The following PRKCA variants were observed in gnomAD, a reference collection of about 807,000 sequenced individuals.
PRKCA encodes the protein protein kinase C alpha.
In PRKCA, 27 loss-of-function variants were observed where a neutral mutation model predicts 87.0. The observed-to-expected ratio is 0.31, with a 90% CI of 0.23 to 0.43. The LOEUF (loss-of-function observed/expected upper bound fraction) is 0.43, where lower values mean the gene tolerates loss of function less well. Ranked by LOEUF, PRKCA falls within the 20% of genes least tolerant of loss-of-function variation. The pLI is 1.00. For synonymous variants in PRKCA, 329 were observed against 311.1 expected, an observed-to-expected ratio of 1.06 and a Z score of -0.61; for missense variants, 518 against 852.3, an observed-to-expected ratio of 0.61 and a Z score of 4.88.
At chr17:66,525,184 T>A (rs1283844136) in intron 3 of PRKCA, among the ~76,000 whole-genome samples, 1 of 152,120 alleles carries the variant, frequency 6.6e-6, no homozygotes, top group Admixed American at 6.5e-5. Context: ...TCCTGGAGGA[T>A]GAGAGACCAC....
At chr17:66,438,468 T>C (rs1165378287) in intron 2 of PRKCA, among the ~76,000 whole-genome samples, 1 of 152,134 alleles carries the variant, frequency 6.6e-6, no homozygotes, top group East Asian at 1.9e-4. Context: ...GCTCGAATAA[T>C]GGAGAGCTTT....
chr17:66,773,885 G>A, intron 13 of PRKCA, 102 bp from the exon 14 acceptor site: 2 of 1,556,224 alleles, frequency 1.3e-6, no homozygotes, highest in Admixed American at 1.7e-5. Context: ...CACCTCATCT[G>A]CATGAACTGA....
At chr17:66,353,770 G>A (rs1907892200) in intron 2 of PRKCA, among the ~76,000 whole-genome samples, 1 of 152,130 alleles carries the variant, frequency 6.6e-6, no homozygotes, top group South Asian at 2.1e-4. Flanking sequence ...AAATAATTTG[G>A]AAATGAAGGA....
intron 13 of PRKCA, among the ~76,000 whole-genome samples, chr17:66,755,799 G>A (rs1026338258): frequency 2.0e-5 from 3 of 152,116 alleles, no homozygotes; most frequent in East Asian, 1.9e-4. Context: ...AGCCATTGGC[G>A]CCTCCCACGT....
intron 2 of PRKCA, among the ~76,000 whole-genome samples, chr17:66,316,317 A>G (rs1453158469): frequency 6.6e-6 from 1 of 152,024 alleles, no homozygotes. Context: ...TTTTGTTTTC[A>G]TGTCATCATT....
Position 66,526,101 on chromosome 17 carries a change from GTT to G in PRKCA, c.288+29821_288+29822del, listed in dbSNP as rs560776757. ...ACTGTATATTGCTCTACAGAAATCTGTTTTGATCAGTGGATAAAAGCAGCTAC... is the reference window on the plus strand; with the variant it reads ...ACTGTATATTGCTCTACAGAAATCTGTTGATCAGTGGATAAAAGCAGCTAC... On this transcript the variant is annotated intron_variant, in intron 3 of 16. Coordinates refer to ENST00000413366, the MANE Select transcript of PRKCA (RefSeq NM_002737.3). Among the ~76,000 whole-genome samples, 288 of 152,274 alleles carry G rather than the reference GTT, an allele frequency of 1.9e-3. 3 individuals carry two copies. The highest frequency in any genetic ancestry group is 6.4e-3 in the African/African-American group (266 of 41,552).
intron 2 of PRKCA, among the ~76,000 whole-genome samples, chr17:66,382,434 G>A (rs925394645): frequency 1.3e-5 from 2 of 152,056 alleles, no homozygotes; most frequent in East Asian, 1.9e-4. Context: ...CCGAGTAGCC[G>A]GGACTACAGG....
At chr17:66,448,176 C>A (rs1253508067) in intron 2 of PRKCA, among the ~76,000 whole-genome samples, 5 of 152,064 alleles carry the variant, frequency 3.3e-5, no homozygotes, top group Non-Finnish European at 2.9e-5. Context: ...AAGTTGATAT[C>A]GTGCTGTTAT....
intron 13 of PRKCA, among the ~76,000 whole-genome samples, chr17:66,749,048 T>G (rs1310939795): frequency 7.1e-6 from 1 of 141,124 alleles, no homozygotes; most frequent in Admixed American, 6.9e-5. Context: ...ACCCCCTCCC[T>G]GGCCAGTCTG....
intron 3 of PRKCA, among the ~76,000 whole-genome samples, chr17:66,548,658 T>A (rs1356370249): frequency 6.6e-6 from 1 of 152,148 alleles, no homozygotes. Context: ...GAGGTGACCC[T>A]ATCCTGGACT....
chr17:66,414,520 A>G (rs1048265742), intron 2 of PRKCA, among the ~76,000 whole-genome samples: 1 of 152,194 alleles, frequency 6.6e-6, no homozygotes, highest in African/African-American at 2.4e-5. Flanking sequence ...TCCTTATAGC[A>G]ATGAGAGAAC....
At chr17:66,674,006 G>A (rs1462094812) in intron 5 of PRKCA, among the ~76,000 whole-genome samples, 1 of 152,202 alleles carries the variant, frequency 6.6e-6, no homozygotes, top group African/African-American at 2.4e-5. Context: ...CCCTCCAAAT[G>A]GACGCTTTAT....
intron 3 of PRKCA, among the ~76,000 whole-genome samples, chr17:66,594,331 G>A (rs1807934040): frequency 6.6e-6 from 1 of 152,202 alleles, no homozygotes; most frequent in South Asian, 2.1e-4. Flanking sequence ...TCTAAGGACT[G>A]CAGGATGTTT....
At chr17:66,660,145 G>A (rs1971853045) in intron 5 of PRKCA, among the ~76,000 whole-genome samples, 1 of 152,062 alleles carries the variant, frequency 6.6e-6, no homozygotes, top group Non-Finnish European at 1.5e-5. Flanking sequence ...GTTAGCTCTG[G>A]CTTTTGGGTA....
intron 2 of PRKCA, among the ~76,000 whole-genome samples, chr17:66,426,825 C>A (rs149852988): frequency 3.9e-5 from 6 of 152,294 alleles, no homozygotes; most frequent in African/African-American, 1.4e-4. Flanking sequence ...GCCATGCGTG[C>A]ATGTATCTCC....
At chr17:66,565,987 A>G (rs374620117) in intron 3 of PRKCA, among the ~76,000 whole-genome samples, 2 of 152,198 alleles carry the variant, frequency 1.3e-5, no homozygotes, top group African/African-American at 2.4e-5. Context: ...ACTAAAATGC[A>G]GGAGCTGGGG....
intron 3 of PRKCA, among the ~76,000 whole-genome samples, chr17:66,537,269 G>T (rs553829885): frequency 6.6e-6 from 1 of 152,128 alleles, no homozygotes; most frequent in Non-Finnish European, 1.5e-5. Context: ...TTTATGGTGA[G>T]AATTATTTGG....
At position 66,791,431 on chromosome 17, in the gene PRKCA, C is replaced by CA. The variant is rs199499521; in HGVS notation, c.1854+2453dup. Reference sequence around the variant, plus strand: ...TACAGACAGACAGGAAATGGACCCACAGAGGGAACAACGACAGTGAAGATA... The same window carrying CA: ...TACAGACAGACAGGAAATGGACCCACAAGAGGGAACAACGACAGTGAAGATA... On this transcript the variant is annotated intron_variant, in intron 16 of 16. Transcript: ENST00000413366. Among the ~76,000 whole-genome samples, 1,228 of 152,248 alleles carry CA rather than the reference C, an allele frequency of 8.1e-3. 12 individuals are homozygous for CA. The highest frequency in any genetic ancestry group is 0.028 in the African/African-American group (1,174 of 41,546).
chr17:66,628,495 C>G (rs113463371), intron 3 of PRKCA, among the ~76,000 whole-genome samples: 2 of 152,220 alleles, frequency 1.3e-5, no homozygotes, highest in African/African-American at 4.8e-5. Context: ...GCCTCTCTCT[C>G]TTTTTTTCTC....
Sources: gnomAD v4.1 joint callset for allele counts (sites outside exome capture counted in the v4.1 genomes callset) on GRCh38, gnomAD v4.1.1 for gene constraint, MANE v1.5 for transcripts, NCBI Gene and HGNC (gene_info 2026-07-23, HGNC 2026-07-21) for gene names.